The following MSN variants were observed in gnomAD, a reference collection of about 807,000 sequenced individuals.
MSN encodes moesin, also known as epididymis luminal protein 70.
A neutral mutation model predicts 48.0 loss-of-function variants in MSN; 2 were observed. The ratio of observed to expected loss-of-function variants is 0.04; its 90% CI spans 0.02 to 0.13. MSN has a LOEUF of 0.13. Ranked by LOEUF, MSN falls within the 10% of genes least tolerant of loss-of-function variation. The pLI, the probability that MSN is intolerant of heterozygous loss-of-function variation, is 1.00. For missense variants in MSN, 267 were observed against 470.1 expected (o/e 0.57, Z 3.99); for synonymous variants, 146 against 166.9 (o/e 0.87, Z 0.97).
intron 8 of MSN, 137 bp from the exon 9 acceptor site, chrX:65,736,658 G>A (rs889870186): frequency 7.7e-6 from 5 of 646,075 alleles, no homozygotes; most frequent in Non-Finnish European, 4.5e-6. Flanking sequence ...GGATGGTCTC[G>A]ATCTCCTGAC....
rs758330195 is a variant in MSN, at chrX:65,728,916, C to T, written c.193-522C>T. ...CTGATTGTGTCTAGGGAGTAGGTAC[C>T]CCACCTTCTGCTGGTAGAGTCTTGT... On this transcript the variant is annotated intron_variant, in intron 3 of 12. Transcript: ENST00000360270. Among the ~76,000 whole-genome samples, 265 of 111,435 alleles carry T rather than the reference C, an allele frequency of 2.4e-3. 2 individuals are homozygous for T. The highest frequency in any genetic ancestry group is 3.7e-3 in the Non-Finnish European group (196 of 53,074).
At chrX:65,652,088 G>T (rs1165368321) in intron 1 of MSN, among the ~76,000 whole-genome samples, 1 of 108,987 alleles carries the variant, frequency 9.2e-6, no homozygotes, top group Non-Finnish European at 1.9e-5. Flanking sequence ...CAGTCTATGA[G>T]GTCAGAGCCC....
chrX:65,664,682 T>C (rs961085057), upstream of MSN, among the ~76,000 whole-genome samples: 6 of 106,136 alleles, frequency 5.7e-5, no homozygotes, highest in African/African-American at 2.1e-4. Flanking sequence ...CTCAGCCCCT[T>C]TCCCCCTATT....
intron 7 of MSN, among the ~76,000 whole-genome samples, 200 bp from the exon 8 acceptor site, chrX:65,735,067 T>C (rs1458006091): frequency 8.9e-6 from 1 of 112,336 alleles, no homozygotes; most frequent in Non-Finnish European, 1.9e-5. Flanking sequence ...TCAAGAAACC[T>C]GGGTTTCTAG....
intron 1 of MSN, among the ~76,000 whole-genome samples, chrX:65,617,565 T>C (rs1449214360): frequency 1.9e-5 from 2 of 106,310 alleles, no homozygotes; most frequent in Non-Finnish European, 3.8e-5. Context: ...CCCTTTATCA[T>C]TTTTTATTGC....
intron 1 of MSN, among the ~76,000 whole-genome samples, chrX:65,651,310 T>C (rs2070739690): frequency 2.2e-5 from 2 of 92,128 alleles, no homozygotes; most frequent in South Asian, 1.0e-3. Context: ...AGAGTGAGAC[T>C]CTATCTAAAA....
intron 2 of MSN, among the ~76,000 whole-genome samples, chrX:65,723,176 G>T (rs1394257917): frequency 9.0e-6 from 1 of 111,712 alleles, no homozygotes; most frequent in African/African-American, 3.3e-5. Context: ...GGTGTATGGG[G>T]CAGGTTCCAG....
At chrX:65,638,277 T>A (rs1229222793) in intron 1 of MSN, among the ~76,000 whole-genome samples, 5 of 112,414 alleles carry the variant, frequency 4.4e-5, no homozygotes, top group Non-Finnish European at 9.4e-5. Context: ...TTCCTCTCAC[T>A]GTGATCTATG....
At chrX:65,623,368 CTTT>C (rs773663630) in intron 1 of MSN, among the ~76,000 whole-genome samples, 42 of 74,146 alleles carry the variant, frequency 5.7e-4, no homozygotes, top group African/African-American at 1.9e-3. Context: ...TCTTTCTTTT[CTTT>C]TTTTTTTTTT....
intron 1 of MSN, among the ~76,000 whole-genome samples, chrX:65,699,249 C>T (rs1458170183): frequency 8.9e-6 from 1 of 111,875 alleles, no homozygotes; most frequent in Non-Finnish European, 1.9e-5. Flanking sequence ...AAGTAAATAT[C>T]CGAAGTTTAC....
intron 1 of MSN, among the ~76,000 whole-genome samples, chrX:65,615,103 A>G (rs1186469375): frequency 9.2e-6 from 1 of 108,304 alleles, no homozygotes; most frequent in African/African-American, 3.4e-5. Flanking sequence ...CCAGTCTATC[A>G]TTGTTGGACA....
chrX:65,617,506 A>C (rs1419828931), intron 1 of MSN, among the ~76,000 whole-genome samples: 1 of 106,751 alleles, frequency 9.4e-6, no homozygotes, highest in Admixed American at 9.7e-5. Context: ...AGGTGTTTGT[A>C]GTATTCCCTG....
intron 1 of MSN, among the ~76,000 whole-genome samples, chrX:65,642,761 G>A (rs762579256): frequency 8.9e-6 from 1 of 111,800 alleles, no homozygotes; most frequent in African/African-American, 3.2e-5. Flanking sequence ...TGGTCAGGGA[G>A]TTAGATGACC....
At chrX:65,679,428 G>A (rs774730784) in intron 1 of MSN, among the ~76,000 whole-genome samples, 3 of 111,778 alleles carry the variant, frequency 2.7e-5, no homozygotes, top group South Asian at 7.5e-4. Flanking sequence ...GCCCTTGGAC[G>A]GGGAGAGCTA....
chrX:65,596,865 A>G (rs1446758918), intron 1 of MSN, among the ~76,000 whole-genome samples: 1 of 110,075 alleles, frequency 9.1e-6, no homozygotes, highest in Non-Finnish European at 1.9e-5. Flanking sequence ...CTCATTTATT[A>G]ATCACTGAGC....
intron 1 of MSN, among the ~76,000 whole-genome samples, chrX:65,649,073 T>C (rs1271681997): frequency 1.8e-5 from 2 of 108,130 alleles, no homozygotes; most frequent in East Asian, 5.7e-4. Context: ...CTCAACTTAC[T>C]ACTTCTTTTT....
At chrX:65,677,723 A>G (rs898769006) in intron 1 of MSN, among the ~76,000 whole-genome samples, 13 of 109,212 alleles carry the variant, frequency 1.2e-4, no homozygotes, top group African/African-American at 3.3e-4. Flanking sequence ...ACGCCATTGC[A>G]CTCCAGCCTG....
At chrX:65,606,023 G>A (rs1366662769) in intron 1 of MSN, among the ~76,000 whole-genome samples, 2 of 110,130 alleles carry the variant, frequency 1.8e-5, no homozygotes, top group Non-Finnish European at 3.8e-5. Context: ...GCTCACTGCA[G>A]CCTTGACCTC....
At chrX:65,665,232 C>T (rs1480114620), upstream of MSN, among the ~76,000 whole-genome samples, 2 of 111,613 alleles carry the variant, frequency 1.8e-5, no homozygotes, top group Non-Finnish European at 3.8e-5. Context: ...AGCTTCATGC[C>T]AGGTCCCTGT....
Sources: allele counts gnomAD v4.1 joint callset (sites outside exome capture counted in the v4.1 genomes callset), GRCh38; gene constraint gnomAD v4.1.1; transcripts MANE v1.5; gene names NCBI Gene and HGNC (gene_info 2026-07-23, HGNC 2026-07-21).